RNF180: variants seen among roughly 807,000 people sequenced by gnomAD.
RNF180 encodes the protein ring finger protein 180.
A neutral mutation model predicts 59.2 loss-of-function variants in RNF180; 38 were observed. The observed-to-expected ratio is 0.64, with a 90% confidence interval of 0.50 to 0.84. RNF180 has a LOEUF of 0.84. Ranked by LOEUF, RNF180 falls within the 40% of genes least tolerant of loss-of-function variation. RNF180 has a pLI of 0.00. For missense variants in RNF180, 705 were observed against 700.9 expected, an observed-to-expected ratio of 1.01 and a Z score of -0.07; for synonymous variants, 262 against 240.3, an observed-to-expected ratio of 1.09 and a Z score of -0.84.
At chr5:64,361,361 A>G (rs1746247144) in intron 7 of RNF180, among the ~76,000 whole-genome samples, 1 of 151,588 alleles carries the variant, frequency 6.6e-6, no homozygotes, top group Non-Finnish European at 1.5e-5. Context: ...ATATTATTCA[A>G]CAGTAGAAAA....
At chr5:64,170,542 G>A (rs1244082104) in intron 1 of RNF180, among the ~76,000 whole-genome samples, 2 of 152,184 alleles carry the variant, frequency 1.3e-5, no homozygotes, top group African/African-American at 4.8e-5. Flanking sequence ...ACCTACAGAA[G>A]CAACTGGTTA....
intron 7 of RNF180, among the ~76,000 whole-genome samples, chr5:64,359,792 C>A (rs2112602126): frequency 6.6e-6 from 1 of 152,042 alleles, no homozygotes; most frequent in East Asian, 1.9e-4. Context: ...GTCTTTAATC[C>A]ATCTTGAATT....
chr5:64,354,480 T>C (rs1745938411), intron 7 of RNF180, among the ~76,000 whole-genome samples: 1 of 151,540 alleles, frequency 6.6e-6, no homozygotes, highest in African/African-American at 2.4e-5. Flanking sequence ...GAAAGAAAAG[T>C]CCAGGACCAA....
intron 5 of RNF180, among the ~76,000 whole-genome samples, chr5:64,251,586 C>A (rs1743580913): frequency 6.6e-6 from 1 of 152,054 alleles, no homozygotes; most frequent in South Asian, 2.1e-4. Context: ...CCACACCTGG[C>A]TAATTTTTTT....
At chr5:64,279,488 G>A (rs959664069) in intron 5 of RNF180, among the ~76,000 whole-genome samples, 4 of 152,114 alleles carry the variant, frequency 2.6e-5, no homozygotes, top group Non-Finnish European at 1.5e-5. Context: ...ATTTGTACAT[G>A]TGTGTCTCCT....
At chr5:64,319,976 G>C (rs187267917) in intron 5 of RNF180, among the ~76,000 whole-genome samples, 61 of 152,296 alleles carry the variant, frequency 4.0e-4, no homozygotes, top group Admixed American at 1.1e-3. Flanking sequence ...AGGAATTATA[G>C]GTCATGATAT....
chr5:64,342,677 A>G (rs937944986), intron 7 of RNF180, among the ~76,000 whole-genome samples: 3 of 152,138 alleles, frequency 2.0e-5, no homozygotes, highest in Non-Finnish European at 4.4e-5. Flanking sequence ...AGAAACATCC[A>G]CAACCTCTGA....
intron 7 of RNF180, among the ~76,000 whole-genome samples, chr5:64,344,873 C>G (rs1054372401): frequency 6.6e-6 from 1 of 151,890 alleles, no homozygotes; most frequent in African/African-American, 2.4e-5. Context: ...GACTTCCAGT[C>G]TGTAGGCTTA....
chr5:64,195,306 A>G (rs1485699715), intron 1 of RNF180, among the ~76,000 whole-genome samples: 2 of 152,224 alleles, frequency 1.3e-5, no homozygotes, highest in South Asian at 4.1e-4. Context: ...TAAACCAAGC[A>G]TATTTACTAA....
At chr5:64,278,538 A>G (rs1741843593) in intron 5 of RNF180, among the ~76,000 whole-genome samples, 1 of 152,204 alleles carries the variant, frequency 6.6e-6, no homozygotes, top group Non-Finnish European at 1.5e-5. Context: ...GGAGTAAAGT[A>G]TAAGAAAAGT....
chr5:64,340,137 A>G (rs1745301805), intron 7 of RNF180, among the ~76,000 whole-genome samples: 1 of 152,170 alleles, frequency 6.6e-6, no homozygotes, highest in African/African-American at 2.4e-5. Context: ...CATATATATA[A>G]TTACATGCAT....
At chr5:64,252,184 T>C (rs1420592109) in intron 5 of RNF180, among the ~76,000 whole-genome samples, 1 of 152,086 alleles carries the variant, frequency 6.6e-6, no homozygotes, top group African/African-American at 2.4e-5. Context: ...AACAAACACA[T>C]ATACCAATGG....
intron 5 of RNF180, among the ~76,000 whole-genome samples, chr5:64,314,861 A>G (rs1341169430): frequency 1.3e-5 from 2 of 152,220 alleles, no homozygotes; most frequent in Admixed American, 1.3e-4. Flanking sequence ...AAAAGGGGAT[A>G]GTAGTATAAT....
intron 1 of RNF180, among the ~76,000 whole-genome samples, chr5:64,177,563 A>ATATATATATATATATG (rs1561167666): frequency 7.4e-6 from 1 of 135,390 alleles, no homozygotes; most frequent in Non-Finnish European, 1.6e-5. Flanking sequence ...ATATATATAT[A>ATATATATATATATATG]TATGTATTTA....
chr5:64,339,367 C>T (rs1012825885), intron 7 of RNF180, among the ~76,000 whole-genome samples: 3 of 151,902 alleles, frequency 2.0e-5, no homozygotes, highest in African/African-American at 7.3e-5. Context: ...ATAAATTTCC[C>T]TTCATCACTT....
At chr5:64,168,568 A>G (rs944841978) in intron 1 of RNF180, among the ~76,000 whole-genome samples, 4 of 152,204 alleles carry the variant, frequency 2.6e-5, no homozygotes, top group African/African-American at 9.6e-5. Context: ...AATAGAGTAC[A>G]TTAAGTAGAT....
At chr5:64,346,097 T>C (rs368227819) in intron 7 of RNF180, among the ~76,000 whole-genome samples, 1 of 152,156 alleles carries the variant, frequency 6.6e-6, no homozygotes, top group Admixed American at 6.6e-5. Context: ...CCAGGAGAGA[T>C]AACCATCAGC....
At chr5:64,237,353 T>C (rs983151180) in intron 5 of RNF180, among the ~76,000 whole-genome samples, 7 of 151,990 alleles carry the variant, frequency 4.6e-5, no homozygotes, top group African/African-American at 7.2e-5. Flanking sequence ...AGGGCCTGTG[T>C]CCTCTTTTTT....
intron 1 of RNF180, among the ~76,000 whole-genome samples, chr5:64,186,931 A>G (rs1750901985): frequency 6.6e-6 from 1 of 152,158 alleles, no homozygotes; most frequent in Admixed American, 6.6e-5. Flanking sequence ...TTTTCCCATA[A>G]GAAAGTAGTG....
Sources: gnomAD v4.1 joint callset for allele counts (sites outside exome capture counted in the v4.1 genomes callset) on GRCh38, gnomAD v4.1.1 for gene constraint, MANE v1.5 for transcripts, NCBI Gene and HGNC (gene_info 2026-07-23, HGNC 2026-07-21) for gene names.